The following GALNT18 variants were observed in gnomAD, a reference collection of about 807,000 sequenced individuals.
GALNT18 encodes the protein polypeptide N-acetylgalactosaminyltransferase 18.
In GALNT18, 44 loss-of-function variants were observed where a neutral mutation model predicts 69.5. The ratio of observed to expected loss-of-function variants is 0.63; its 90% CI spans 0.50 to 0.81. The LOEUF is 0.81. Ranked by LOEUF, GALNT18 falls within the 40% of genes least tolerant of loss-of-function variation. GALNT18 has a pLI of 0.00. For missense variants in GALNT18, 715 were observed against 810.0 expected, an observed-to-expected ratio of 0.88 and a Z score of 1.42; for synonymous variants, 364 against 318.2, an observed-to-expected ratio of 1.14 and a Z score of -1.53.
rs1157251859 is a variant in GALNT18, at chr11:11,341,970, T to A, written c.1093-966A>T. 4.2e-5 allele frequency among the ~76,000 whole-genome samples: 3 copies of A among 70,868 alleles called. No homozygotes were observed. The highest frequency in any genetic ancestry group is 6.1e-5 in the Non-Finnish European group (2 of 32,962). 46.5% of individuals were successfully genotyped at this position (70,868 alleles called of 152,430 possible). ...GATCCTGTCTCTAAAACATTAAAAT[T>A]TTTTTTTTTTTAAAAAGACCTTGAC... On this transcript the variant is annotated intron_variant, in intron 6 of 10. Coordinates refer to ENST00000227756, the MANE Select transcript of GALNT18 (RefSeq NM_198516.3). This position sits in a 1 kb window ranked among gnomAD's most constrained non-coding sequence, Gnocchi z 6.3.
chr11:11,273,866 AAAT>A (rs1410241736), intron 10 of GALNT18, among the ~76,000 whole-genome samples: 2 of 152,006 alleles, frequency 1.3e-5, no homozygotes, highest in Admixed American at 6.6e-5. Flanking sequence ...TTAACCATTA[AAAT>A]AATGAGACTC....
intron 10 of GALNT18, among the ~76,000 whole-genome samples, chr11:11,283,302 A>G (rs1256733865): frequency 2.0e-5 from 3 of 152,112 alleles, no homozygotes; most frequent in African/African-American, 7.2e-5. Context: ...ATGCACCATC[A>G]TGCCTGGCTA....
intron 2 of GALNT18, among the ~76,000 whole-genome samples, chr11:11,446,726 G>A (rs909993839): frequency 6.6e-6 from 1 of 152,096 alleles, no homozygotes; most frequent in Non-Finnish European, 1.5e-5. Context: ...TTGCCCCCTC[G>A]GTCTGTTCTC....
chr11:11,493,180 C>G (rs1856806198), intron 1 of GALNT18, among the ~76,000 whole-genome samples: 2 of 146,730 alleles, frequency 1.4e-5, no homozygotes, highest in South Asian at 4.4e-4. Context: ...AGAATCGCTT[C>G]AACCTGGGAG....
intron 10 of GALNT18, among the ~76,000 whole-genome samples, chr11:11,279,662 T>G (rs1485566600): frequency 6.6e-6 from 1 of 151,938 alleles, no homozygotes; most frequent in Non-Finnish European, 1.5e-5. Context: ...CAAACATTAT[T>G]CTATTTATAT....
In GALNT18 at chr11:11,597,411, T is replaced by G. The variant is rs1159351391; in HGVS notation, c.235+23948A>C. 2.0e-5 allele frequency among the ~76,000 whole-genome samples: 3 copies of G among 152,216 alleles called. No homozygotes were observed. The South Asian group carries it at 6.2e-4, about 31-fold the overall frequency. ...GTAGAAGTTACCCAGTAAAGCCATTTGGACCTGGACTTTTCTTTGGGAGAA... is the reference window on the plus strand; with the variant it reads ...GTAGAAGTTACCCAGTAAAGCCATTGGGACCTGGACTTTTCTTTGGGAGAA... On this transcript the variant is annotated intron_variant, in intron 1 of 10. Transcript: ENST00000227756.
At chr11:11,365,238 C>A (rs528021479) in intron 6 of GALNT18, among the ~76,000 whole-genome samples, 1 of 150,936 alleles carries the variant, frequency 6.6e-6, no homozygotes, top group South Asian at 2.1e-4. Context: ...TGGGTGAGAA[C>A]ATGTGGTGTT....
In GALNT18 at chr11:11,347,491, C is replaced by A. The variant is rs1237775145; in HGVS notation, c.1093-6487G>T. Among the ~76,000 whole-genome samples the A allele has an allele frequency of 6.6e-6, 1 of 152,142 alleles. No homozygotes were observed. The highest frequency in any genetic ancestry group is 6.5e-5 in the Admixed American group (1 of 15,276). On this transcript the variant is annotated intron_variant, in intron 6 of 10. Transcript: ENST00000227756. This position sits in a 1 kb window ranked among gnomAD's most constrained non-coding sequence, Gnocchi z 4.0. ...TGTCCAGTCTCAGTGGAGAAGTATGCCACAATTTATTCATTACGGTTACCA... is the reference window on the plus strand; with the variant it reads ...TGTCCAGTCTCAGTGGAGAAGTATGACACAATTTATTCATTACGGTTACCA...
intron 9 of GALNT18, among the ~76,000 whole-genome samples, chr11:11,319,233 A>G (rs1590034579): frequency 6.6e-6 from 1 of 152,186 alleles, no homozygotes; most frequent in Non-Finnish European, 1.5e-5. Flanking sequence ...CACCTTCACC[A>G]TTCTTGGCCA....
intron 1 of GALNT18, among the ~76,000 whole-genome samples, chr11:11,484,802 G>A (rs1431820309): frequency 2.0e-5 from 3 of 152,138 alleles, no homozygotes; most frequent in African/African-American, 4.8e-5. Context: ...CAAAGCAGGT[G>A]AGGAGAAACT....
chr11:11,370,853 C>T (rs908620389), intron 6 of GALNT18, among the ~76,000 whole-genome samples: 12 of 152,196 alleles, frequency 7.9e-5, no homozygotes, highest in African/African-American at 1.7e-4. Context: ...CGAATGGAGG[C>T]GGTCCAACCC....
chr11:11,577,112 A>T (rs1488441884), intron 1 of GALNT18, among the ~76,000 whole-genome samples: 2 of 152,148 alleles, frequency 1.3e-5, no homozygotes, highest in South Asian at 2.1e-4. Context: ...TGAAAGGGGG[A>T]TGATGATACT....
intron 1 of GALNT18, among the ~76,000 whole-genome samples, chr11:11,530,170 G>C (rs34763464): frequency 0.23 from 34,747 of 151,968 alleles, 5,074 homozygotes; most frequent in South Asian, 0.37. Flanking sequence ...AGAGAGGAGG[G>C]AAGGCTGGAG....
chr11:11,363,682 C>T (rs1255590437), intron 6 of GALNT18, among the ~76,000 whole-genome samples: 1 of 152,094 alleles, frequency 6.6e-6, no homozygotes, highest in Non-Finnish European at 1.5e-5. Flanking sequence ...ATAATAATAA[C>T]AATAATAATT....
chr11:11,552,384 T>G (rs1858218128), intron 1 of GALNT18, among the ~76,000 whole-genome samples: 1 of 152,260 alleles, frequency 6.6e-6, no homozygotes, highest in Non-Finnish European at 1.5e-5. Flanking sequence ...AAAGTTATCT[T>G]TGAGCCTTTA....
At chr11:11,550,207 C>T (rs1196213129) in intron 1 of GALNT18, among the ~76,000 whole-genome samples, 2 of 152,230 alleles carry the variant, frequency 1.3e-5, no homozygotes, top group Non-Finnish European at 2.9e-5. Flanking sequence ...CAGGTGGAAA[C>T]ACAGGGTACA....
intron 6 of GALNT18, among the ~76,000 whole-genome samples, chr11:11,370,372 A>G (rs1174392481): frequency 1.3e-5 from 2 of 152,198 alleles, no homozygotes; most frequent in East Asian, 1.9e-4. Context: ...AAGAAAGACA[A>G]ATACTAATAA....
At chr11:11,357,636 C>G (rs994243944) in intron 6 of GALNT18, among the ~76,000 whole-genome samples, 6 of 152,198 alleles carry the variant, frequency 3.9e-5, no homozygotes, top group African/African-American at 1.4e-4. Flanking sequence ...TGTTTAAATC[C>G]AGGCTCCTCC....
chr11:11,483,775 GC>G, intron 1 of GALNT18, among the ~76,000 whole-genome samples: 1 of 152,336 alleles, frequency 6.6e-6, no homozygotes, highest in Non-Finnish European at 1.5e-5. Flanking sequence ...GGTGATGGGG[GC>G]TGTGATGGGA....
Sources: allele counts gnomAD v4.1 joint callset (sites outside exome capture counted in the v4.1 genomes callset), GRCh38; gene constraint gnomAD v4.1.1; non-coding constraint Gnocchi (gnomAD v3.1); transcripts MANE v1.5; gene names NCBI Gene and HGNC (gene_info 2026-07-23, HGNC 2026-07-21).